KAZN: variants seen among roughly 807,000 people sequenced by gnomAD.
The protein encoded by KAZN is kazrin.
Under a neutral mutation model 87.4 loss-of-function variants are expected in KAZN, and 40 were observed. The observed-to-expected ratio is 0.46, with a 90% CI of 0.36 to 0.60. KAZN has a LOEUF of 0.60. Ranked by LOEUF, KAZN falls within the 20% of genes least tolerant of loss-of-function variation. The pLI is 0.00. For missense variants in KAZN, 898 were observed against 1,073.9 expected (o/e 0.84, Z 2.29); for synonymous variants, 466 against 458.3 (o/e 1.02, Z -0.22).
chr1:14,501,100 T>C (rs1240567959), intron 2 of KAZN, among the ~76,000 whole-genome samples: 2 of 144,796 alleles, frequency 1.4e-5, no homozygotes, highest in Non-Finnish European at 3.0e-5. Context: ...AATAAATAAA[T>C]AAATAAATAA....
intron 2 of KAZN, among the ~76,000 whole-genome samples, chr1:14,578,513 A>C (rs1204790554): frequency 1.3e-5 from 2 of 152,216 alleles, no homozygotes; most frequent in Non-Finnish European, 2.9e-5. Flanking sequence ...TTGTGATCGC[A>C]AAGGTCATCT....
chr1:14,398,748 A>G (rs1461100998), intron 2 of KAZN, among the ~76,000 whole-genome samples: 7 of 152,212 alleles, frequency 4.6e-5, no homozygotes, highest in African/African-American at 1.2e-4. Flanking sequence ...CTTTTCTCCT[A>G]CACGGAACTG....
intron 2 of KAZN, among the ~76,000 whole-genome samples, chr1:14,398,382 T>C (rs1372367123): frequency 6.6e-6 from 1 of 152,248 alleles, no homozygotes; most frequent in Non-Finnish European, 1.5e-5. Flanking sequence ...TCCTTATCTG[T>C]ACAAATGAAT....
Position 15,050,369 on chromosome 1 carries a change from G to A in KAZN, c.727-5722G>A, listed in dbSNP as rs1243769337. ...CAGACCCCACTGGGGAGGAAGAGGC[G>A]TGGATTCTCATGCCTGTTCCACTCA... On this transcript the variant is annotated intron_variant, in intron 4 of 14. Coordinates refer to ENST00000376030, the MANE Select transcript of KAZN (RefSeq NM_201628.3). Among the ~76,000 whole-genome samples the A allele has an allele frequency of 4.6e-5, 7 of 152,126 alleles. No homozygotes were observed. The South Asian group carries it at 6.2e-4, about 14-fold the overall frequency.
At chr1:14,575,404 G>A (rs1271120792) in intron 2 of KAZN, among the ~76,000 whole-genome samples, 1 of 152,128 alleles carries the variant, frequency 6.6e-6, no homozygotes, top group Non-Finnish European at 1.5e-5. Context: ...CCAAGAGAAA[G>A]GGGTTTCCCT....
chr1:14,194,561 C>T (rs1167308231), intron 2 of KAZN, among the ~76,000 whole-genome samples: 1 of 152,134 alleles, frequency 6.6e-6, no homozygotes, highest in East Asian at 1.9e-4. Flanking sequence ...TCCCAGCAGT[C>T]CTTGGGGAGG....
chr1:15,067,074 G>C, intron 8 of KAZN: 2 of 985,722 alleles, frequency 2.0e-6, no homozygotes, highest in South Asian at 9.4e-5. Flanking sequence ...TGTTCTCCGA[G>C]GGGCCTCCAG....
intron 1 of KAZN, among the ~76,000 whole-genome samples, chr1:14,059,309 C>A (rs375308185): frequency 6.6e-6 from 1 of 152,162 alleles, no homozygotes; most frequent in African/African-American, 2.4e-5. Flanking sequence ...GACAGTGCAG[C>A]CTTTAGTCTG....
intron 1 of KAZN, among the ~76,000 whole-genome samples, chr1:13,933,531 C>T (rs1640611204): frequency 6.6e-6 from 1 of 152,184 alleles, no homozygotes; most frequent in Non-Finnish European, 1.5e-5. Context: ...GGGTCTGGTA[C>T]AAAGTCAGTG....
At chr1:13,994,867 A>T (rs1639435784) in intron 1 of KAZN, among the ~76,000 whole-genome samples, 1 of 76,334 alleles carries the variant, frequency 1.3e-5, no homozygotes, top group African/African-American at 5.8e-5. Context: ...GGAATGCAGC[A>T]TGCTAAACAA....
In KAZN at chr1:14,903,766, C is replaced by T. The variant is rs766074158; in HGVS notation, c.227-56918C>T. 5.9e-5 allele frequency among the ~76,000 whole-genome samples: 9 copies of T among 152,312 alleles called. No homozygotes were observed. The South Asian group carries it at 6.2e-4, about 11-fold the overall frequency. On this transcript the variant is annotated intron_variant, in intron 1 of 14. Coordinates refer to ENST00000376030, the MANE Select transcript of KAZN (RefSeq NM_201628.3). ...GAGACCACAATTTAATTTTTAAAGT[C>T]GCGATCCCATTAATCTAACCTTAGT...
chr1:14,577,212 A>G (rs780792625), intron 2 of KAZN, among the ~76,000 whole-genome samples: 14 of 152,354 alleles, frequency 9.2e-5, no homozygotes, highest in Non-Finnish European at 1.6e-4. Context: ...TGACAATGGC[A>G]TACATCAGAT....
chr1:15,046,460 G>A (rs1165119893), intron 4 of KAZN, among the ~76,000 whole-genome samples: 1 of 152,148 alleles, frequency 6.6e-6, no homozygotes, highest in African/African-American at 2.4e-5. Context: ...GGTGACGGAG[G>A]TAGAAGAAAA....
chr1:14,363,469 T>TTTG (rs980174649), intron 2 of KAZN, among the ~76,000 whole-genome samples: 6 of 152,186 alleles, frequency 3.9e-5, no homozygotes, highest in African/African-American at 1.4e-4. Flanking sequence ...TAGTTTCTCA[T>TTTG]TTGTTACATG....
chr1:14,157,086 T>C (rs76781930), intron 1 of KAZN, among the ~76,000 whole-genome samples: 5 of 152,240 alleles, frequency 3.3e-5, no homozygotes, highest in Non-Finnish European at 5.9e-5. Context: ...AACAGCACCA[T>C]TTGCATAAAC....
intron 1 of KAZN, among the ~76,000 whole-genome samples, chr1:13,901,177 G>A (rs1639237415): frequency 6.6e-6 from 1 of 152,106 alleles, no homozygotes; most frequent in Non-Finnish European, 1.5e-5. Flanking sequence ...GTTTAAAGAA[G>A]GGCCCTCATT....
chr1:15,048,849 G>A (rs984557114), intron 4 of KAZN, among the ~76,000 whole-genome samples: 3 of 148,930 alleles, frequency 2.0e-5, no homozygotes, highest in Non-Finnish European at 3.0e-5. Flanking sequence ...GTCCTGGGTC[G>A]TTGGTCCTTG....
chr1:14,639,103 C>G (rs916004223), intron 1 of KAZN, among the ~76,000 whole-genome samples: 2 of 152,200 alleles, frequency 1.3e-5, no homozygotes, highest in African/African-American at 4.8e-5. Context: ...TCCGTGCACC[C>G]TTGGTGTGGC....
intron 1 of KAZN, among the ~76,000 whole-genome samples, chr1:14,027,575 A>G (rs1641135374): frequency 6.6e-6 from 1 of 152,176 alleles, no homozygotes; most frequent in South Asian, 2.1e-4. Flanking sequence ...AGCAAACTAT[A>G]ATTACAATAC....
Sources: gnomAD v4.1 joint callset for allele counts (sites outside exome capture counted in the v4.1 genomes callset) on GRCh38, gnomAD v4.1.1 for gene constraint, MANE v1.5 for transcripts, NCBI Gene and HGNC (gene_info 2026-07-23, HGNC 2026-07-21) for gene names.